Variants in CUX2 observed in about 807,000 individuals in gnomAD.
The protein encoded by CUX2 is homeobox protein cut-like 2.
Under a neutral mutation model 144.8 loss-of-function variants are expected in CUX2, and 40 were observed. That is an observed-to-expected ratio of 0.28 (90% CI 0.21 to 0.36). CUX2 has a LOEUF of 0.36. Ranked by LOEUF, CUX2 falls within the 10% of genes least tolerant of loss-of-function variation. CUX2 has a pLI of 1.00. For synonymous variants in CUX2, 827 were observed against 875.6 expected, an observed-to-expected ratio of 0.94 and a Z score of 0.98; for missense variants, 1,615 against 1,994.0, an observed-to-expected ratio of 0.81 and a Z score of 3.62.
intron 4 of CUX2, among the ~76,000 whole-genome samples, chr12:111,279,829 A>T (rs1305780398): frequency 6.6e-6 from 1 of 152,232 alleles, no homozygotes; most frequent in African/African-American, 2.4e-5. Context: ...TAAAGATACA[A>T]AAATTAGCTG....
intron 1 of CUX2, among the ~76,000 whole-genome samples, chr12:111,191,806 G>A (rs1044783788): frequency 6.6e-6 from 1 of 152,106 alleles, no homozygotes; most frequent in African/African-American, 2.4e-5. Context: ...CCCCCACTTT[G>A]TTCATGCCCA....
intron 18 of CUX2, among the ~76,000 whole-genome samples, chr12:111,333,423 C>T (rs1888205698): frequency 1.3e-5 from 2 of 151,956 alleles, no homozygotes; most frequent in African/African-American, 4.8e-5. Context: ...ATTTCTTTTC[C>T]CTGTGCAGGA....
chr12:111,342,123 C>T (rs1440177180), intron 21 of CUX2, 70 bp downstream of exon 21: 3 of 1,527,758 alleles, frequency 2.0e-6, no homozygotes, highest in Non-Finnish European at 2.6e-6. Flanking sequence ...CATCCCAGGG[C>T]CTGGAGGGAG....
At chr12:111,318,927 A>G (rs954792362) in intron 16 of CUX2, among the ~76,000 whole-genome samples, 1 of 152,084 alleles carries the variant, frequency 6.6e-6, no homozygotes, top group South Asian at 2.1e-4. Flanking sequence ...AGCCTCCCAA[A>G]GTGCTGGGAT....
intron 1 of CUX2, among the ~76,000 whole-genome samples, chr12:111,138,060 T>G (rs58577277): frequency 0.069 from 10,429 of 151,974 alleles, 1,201 homozygotes; most frequent in African/African-American, 0.24. Flanking sequence ...AAAGGTGGGG[T>G]CTCCAGCTGT....
At chr12:111,125,681 G>C (rs988443095) in intron 1 of CUX2, among the ~76,000 whole-genome samples, 3 of 151,994 alleles carry the variant, frequency 2.0e-5, no homozygotes, top group South Asian at 2.1e-4. Context: ...CTTTTTGGCT[G>C]TTGCAAATAG....
intron 1 of CUX2, among the ~76,000 whole-genome samples, chr12:111,182,269 C>A (rs1879234627): frequency 1.3e-5 from 2 of 152,206 alleles, no homozygotes; most frequent in South Asian, 4.1e-4. Context: ...CAAAGGTTGG[C>A]ACCACTTGAA....
chr12:111,216,589 C>T (rs1415617409), intron 2 of CUX2, among the ~76,000 whole-genome samples: 2 of 152,208 alleles, frequency 1.3e-5, no homozygotes, highest in Non-Finnish European at 2.9e-5. Flanking sequence ...CACGCCACCC[C>T]ATCGGTGGGG....
intron 18 of CUX2, among the ~76,000 whole-genome samples, chr12:111,333,067 G>T (rs1888191056): frequency 6.6e-6 from 1 of 152,020 alleles, no homozygotes; most frequent in Non-Finnish European, 1.5e-5. Flanking sequence ...AAATTAGCCG[G>T]GTGTGGTGGC....
intron 1 of CUX2, among the ~76,000 whole-genome samples, chr12:111,074,905 A>G (rs1467299497): frequency 2.7e-5 from 4 of 150,466 alleles, no homozygotes; most frequent in Non-Finnish European, 5.9e-5. Context: ...AGACCCCACC[A>G]TCTAGCCAGG....
chr12:111,141,058 C>A (rs1362429616), intron 1 of CUX2, among the ~76,000 whole-genome samples: 1 of 152,122 alleles, frequency 6.6e-6, no homozygotes, highest in Non-Finnish European at 1.5e-5. Context: ...CAGATAAAGC[C>A]AGAAATGCCC....
Position 111,201,748 on chromosome 12 carries a change from C to T in CUX2, c.64-12452C>T, listed in dbSNP as rs2136209690. Reference sequence around the variant, plus strand: ...CAGAGCTTCCTGAGGTTCCCACAGACTTTCTTCCCACCCCCAGATGCTCCC... The same window carrying T: ...CAGAGCTTCCTGAGGTTCCCACAGATTTTCTTCCCACCCCCAGATGCTCCC... On this transcript the variant is annotated intron_variant, in intron 1 of 21. Coordinates refer to ENST00000261726, the MANE Select transcript of CUX2 (RefSeq NM_015267.4). 1.3e-5 allele frequency among the ~76,000 whole-genome samples: 2 copies of T among 152,330 alleles called. 1 individual carries two copies. The highest frequency in any genetic ancestry group is 1.3e-4 in the Admixed American group (2 of 15,308).
chr12:111,251,569 G>A (rs994770118), intron 3 of CUX2, among the ~76,000 whole-genome samples: 2 of 152,260 alleles, frequency 1.3e-5, no homozygotes, highest in South Asian at 2.1e-4. Context: ...AACACCACTC[G>A]CGGTATCTCC....
Position 111,347,577 on chromosome 12 carries a change from T to C in CUX2, c.3713T>C (p.Leu1238Pro). The C allele has an allele frequency of 6.2e-7, 1 of 1,612,726 alleles. No homozygotes were observed. The highest frequency in any genetic ancestry group is 1.1e-5 in the South Asian group (1 of 90,932). The change falls in exon 22 of 22, where the codon CTT (leucine) becomes CCT (proline). Residue 1238 changes from leucine to proline, a missense_variant. By Grantham distance (98) the Leu-to-Pro change is moderately conservative. This residue lies in a region of CUX2 where 298 missense variants were observed against 330.4 expected (regional missense o/e 0.90). Transcript: ENST00000261726. ...GAGGGGACCCAGGATGAGCCAGACC[T>C]TGATCCAAGCGGGGGTCCTGGAATC... ...LVEGTQDEPDLDPSGGPGILP... is the reference protein window; with the variant it reads ...LVEGTQDEPDPDPSGGPGILP...
chr12:111,327,179 T>C (rs966294436), intron 18 of CUX2, among the ~76,000 whole-genome samples: 2 of 152,228 alleles, frequency 1.3e-5, no homozygotes, highest in African/African-American at 2.4e-5. Context: ...CTGTACTACT[T>C]GGCCTTCTGT....
intron 6 of CUX2, among the ~76,000 whole-genome samples, chr12:111,294,691 G>T (rs1177673157): frequency 6.6e-6 from 1 of 151,974 alleles, no homozygotes; most frequent in East Asian, 1.9e-4. Context: ...GAGGTCGGCA[G>T]TTTGAGACCA....
intron 1 of CUX2, among the ~76,000 whole-genome samples, chr12:111,142,111 G>C (rs1876359171): frequency 6.6e-6 from 1 of 152,108 alleles, no homozygotes; most frequent in Non-Finnish European, 1.5e-5. Flanking sequence ...ATTGCCTGGG[G>C]GCAGGGCAAT....
intron 1 of CUX2, among the ~76,000 whole-genome samples, chr12:111,100,724 G>A (rs534193224): frequency 1.2e-4 from 19 of 152,354 alleles, no homozygotes; most frequent in African/African-American, 3.8e-4. Context: ...ATATGAGAGC[G>A]TGTGGACTGA....
intron 1 of CUX2, among the ~76,000 whole-genome samples, chr12:111,136,664 A>T (rs1370787596): frequency 6.6e-6 from 1 of 152,206 alleles, no homozygotes; most frequent in African/African-American, 2.4e-5. Flanking sequence ...TACAGTTATT[A>T]ACCCATTATA....
Sources: allele counts gnomAD v4.1 joint callset (sites outside exome capture counted in the v4.1 genomes callset), GRCh38; gene constraint gnomAD v4.1.1; regional missense constraint gnomAD v4.1.1; transcripts MANE v1.5; gene names NCBI Gene and HGNC (gene_info 2026-07-23, HGNC 2026-07-21).